Variants in MAP3K5 observed in about 807,000 individuals in gnomAD.
MAP3K5 encodes the protein ASK-1.
In MAP3K5, 56 loss-of-function variants were observed where a neutral mutation model predicts 158.7. That is an observed-to-expected ratio of 0.35 (90% CI 0.28 to 0.44). MAP3K5 has a LOEUF of 0.44. MAP3K5 is among the 20% of genes least tolerant of loss of function. The pLI is 1.00. For missense variants in MAP3K5, 1,294 were observed against 1,674.8 expected (o/e 0.77, Z 3.97); for synonymous variants, 579 against 601.7 (o/e 0.96, Z 0.55).
chr6:136,705,009 G>C lies in MAP3K5; in HGVS notation c.612+101C>G, dbSNP rs1316055645. 6.8e-6 allele frequency: 4 copies of C among 589,732 alleles called. No individual in the cohort carries two copies. In the African/African-American group the frequency reaches 8.1e-5, roughly 12 times the overall value. The allele number at this position is 589,732 out of a possible 1,614,324, so 36.5% of individuals were successfully genotyped here. A position where few individuals can be genotyped will look rare whatever the true frequency, so the allele number is the denominator to read the frequency against. ...AGAAAATCTAAAGAGGAAAAATAGA[G>C]ATATAAATTAATAATTTGTGGAGAT... On this transcript the variant is annotated intron_variant, in intron 3 of 29. Coordinates refer to ENST00000359015, the MANE Select transcript of MAP3K5 (RefSeq NM_005923.4).
At chr6:136,559,737 T>C (rs906392437) in intron 28 of MAP3K5, among the ~76,000 whole-genome samples, 1 of 152,192 alleles carries the variant, frequency 6.6e-6, no homozygotes, top group Non-Finnish European at 1.5e-5. Context: ...TCTCACTATA[T>C]TGACCAGCCT....
At chr6:136,557,849 G>T (rs1178962744) in intron 29 of MAP3K5, 31 bp from the exon 30 acceptor site, 4 of 1,460,418 alleles carry the variant, frequency 2.7e-6, no homozygotes, top group Non-Finnish European at 1.9e-6. Flanking sequence ...ATGGTGAAAC[G>T]AACATTTCAT....
intron 21 of MAP3K5, chr6:136,593,755 A>G (rs1404154131): frequency 7.2e-6 from 3 of 416,542 alleles, no homozygotes; most frequent in Admixed American, 3.2e-5. Context: ...TGCCAGAAAC[A>G]TCTTTATCAA....
intron 25 of MAP3K5, chr6:136,579,735 G>A (rs1001273302): frequency 1.8e-5 from 8 of 449,478 alleles, no homozygotes; most frequent in South Asian, 7.8e-5. Context: ...TTAGGCTAAG[G>A]GGTATGTGCA....
chr6:136,604,291 C>A (rs1347954315), intron 19 of MAP3K5, among the ~76,000 whole-genome samples: 3 of 149,984 alleles, frequency 2.0e-5, no homozygotes, highest in East Asian at 2.0e-4. Context: ...CACTGCACTC[C>A]AGCCTGGGTG....
intron 8 of MAP3K5, among the ~76,000 whole-genome samples, chr6:136,669,053 G>C (rs1461897098): frequency 6.6e-6 from 1 of 152,056 alleles, no homozygotes; most frequent in Non-Finnish European, 1.5e-5. Flanking sequence ...TTAACCAGGG[G>C]GACTTTTAGA....
intron 8 of MAP3K5, among the ~76,000 whole-genome samples, chr6:136,662,998 T>C (rs1779071960): frequency 6.6e-6 from 1 of 152,352 alleles, no homozygotes; most frequent in South Asian, 2.1e-4. Context: ...CATAGTCTTA[T>C]CACCTTGCAG....
At chr6:136,630,460 AC>A (rs1777293707) in intron 14 of MAP3K5, 1 of 152,302 alleles carries the variant, frequency 6.6e-6, no homozygotes, top group East Asian at 1.9e-4. Flanking sequence ...ATCCATTTGG[AC>A]CCACTGATGT....
chr6:136,664,063 G>T (rs183516116), intron 8 of MAP3K5, among the ~76,000 whole-genome samples: 170 of 152,252 alleles, frequency 1.1e-3, no homozygotes, highest in Non-Finnish European at 1.3e-3. Flanking sequence ...GCCACACACG[G>T]GAGGTGAGTA....
chr6:136,570,420 C>T (rs965763400), intron 25 of MAP3K5, among the ~76,000 whole-genome samples: 59 of 152,140 alleles, frequency 3.9e-4, no homozygotes, highest in African/African-American at 1.3e-3. Context: ...TTCAACTCCA[C>T]GAAGGTTAAG....
At chr6:136,619,142 G>A (rs1356579991) in intron 15 of MAP3K5, among the ~76,000 whole-genome samples, 1 of 152,148 alleles carries the variant, frequency 6.6e-6, no homozygotes, top group African/African-American at 2.4e-5. Context: ...ATGGGAGGGG[G>A]TGTCTTTTTC....
intron 14 of MAP3K5, 93 bp from the exon 15 acceptor site, chr6:136,623,074 C>T: frequency 3.4e-6 from 4 of 1,192,360 alleles, no homozygotes; most frequent in Non-Finnish European, 4.9e-6. Flanking sequence ...TATTCCTTAT[C>T]TTATCAGATG....
chr6:136,611,186 G>A lies in MAP3K5; in HGVS notation c.2521+96C>T, dbSNP rs147394881. On this transcript the variant is annotated intron_variant, in intron 18 of 29. Coordinates refer to ENST00000359015, the MANE Select transcript of MAP3K5 (RefSeq NM_005923.4). The stretch of plus-strand genomic sequence containing the variant: ...AAAAGATACCAACATTACTGTGTGT[G>A]AGAACACCAACTGAATTTCTCTCTC... 645 of 579,774 alleles carry A rather than the reference G, an allele frequency of 1.1e-3. 7 individuals carry two copies. The East Asian group carries it at 0.018, about 16-fold the overall frequency. 35.9% of individuals were successfully genotyped at this position (579,774 alleles called of 1,614,324 possible).
intron 7 of MAP3K5, among the ~76,000 whole-genome samples, chr6:136,672,398 G>A (rs150028847): frequency 6.6e-6 from 1 of 152,314 alleles, no homozygotes; most frequent in African/African-American, 2.4e-5. Flanking sequence ...TTCTGACCCT[G>A]AGATTAGGCT....
At chr6:136,562,372 A>ATT in intron 27 of MAP3K5, 131 bp downstream of exon 27, 2 of 461,464 alleles carry the variant, frequency 4.3e-6, no homozygotes, top group South Asian at 1.2e-4. Context: ...TTTTTAAAGG[A>ATT]ATTCCTGCTT....
At chr6:136,782,696 T>C (rs776153040) in intron 1 of MAP3K5, among the ~76,000 whole-genome samples, 12 of 152,234 alleles carry the variant, frequency 7.9e-5, no homozygotes, top group Non-Finnish European at 1.2e-4. Context: ...ATTTAAGTTA[T>C]ACAGATCTGC....
At chr6:136,695,054 A>G (rs1780543924) in intron 6 of MAP3K5, among the ~76,000 whole-genome samples, 4 of 152,008 alleles carry the variant, frequency 2.6e-5, no homozygotes, top group Admixed American at 2.0e-4. Flanking sequence ...TTGGGAGGGA[A>G]ATGGAAGGGG....
At chr6:136,645,929 C>T (rs1247155553) in intron 11 of MAP3K5, among the ~76,000 whole-genome samples, 2 of 152,156 alleles carry the variant, frequency 1.3e-5, no homozygotes, top group Non-Finnish European at 2.9e-5. Flanking sequence ...GTGATAAAAA[C>T]AACCCATTTT....
chr6:136,681,744 G>A (rs2876335), intron 7 of MAP3K5, among the ~76,000 whole-genome samples: 20 of 152,086 alleles, frequency 1.3e-4, no homozygotes, highest in African/African-American at 1.9e-4. Context: ...GTGAAACTCC[G>A]TCTCTACTAA....
Sources: allele counts gnomAD v4.1 joint callset (sites outside exome capture counted in the v4.1 genomes callset), GRCh38; gene constraint gnomAD v4.1.1; transcripts MANE v1.5; gene names NCBI Gene and HGNC (gene_info 2026-07-23, HGNC 2026-07-21).